Variants in ATAD2B observed in about 807,000 individuals in gnomAD.
ATAD2B encodes ATPase family AAA domain containing 2B.
Under a neutral mutation model 167.6 loss-of-function variants are expected in ATAD2B, and 40 were observed. The ratio of observed to expected loss-of-function variants is 0.24; its 90% confidence interval spans 0.19 to 0.31. The LOEUF (loss-of-function observed/expected upper bound fraction) is 0.31, where lower values mean the gene tolerates loss of function less well. ATAD2B is among the 10% of genes least tolerant of loss of function. ATAD2B has a pLI of 1.00. For missense variants in ATAD2B, 1,242 were observed against 1,757.2 expected (o/e 0.71, Z 5.24); for synonymous variants, 579 against 596.5 (o/e 0.97, Z 0.43).
intron 1 of ATAD2B, among the ~76,000 whole-genome samples, chr2:23,921,205 C>A (rs1211307793): frequency 3.1e-4 from 10 of 32,286 alleles, no homozygotes; most frequent in Admixed American, 5.7e-4. Flanking sequence ...GACTCCATCT[C>A]AAAAAAAAAA....
chr2:23,812,944 A>G (rs1265408274), intron 17 of ATAD2B, among the ~76,000 whole-genome samples: 3 of 152,108 alleles, frequency 2.0e-5, no homozygotes, highest in African/African-American at 7.2e-5. Context: ...TTTCTTAACA[A>G]TTCTGTGAAA....
At chr2:23,835,592 G>T (rs1260163281) in intron 13 of ATAD2B, among the ~76,000 whole-genome samples, 1 of 152,200 alleles carries the variant, frequency 6.6e-6, no homozygotes, top group Non-Finnish European at 1.5e-5. Flanking sequence ...TGTAGTGATG[G>T]TTACACAACT....
the ATAD2B span, among the ~76,000 whole-genome samples, chr2:23,682,077 T>A: frequency 2.0e-5 from 3 of 151,344 alleles, no homozygotes; most frequent in Non-Finnish European, 4.4e-5. This position sits in a 1 kb window ranked among gnomAD's most constrained non-coding sequence, Gnocchi z 4.1. Flanking sequence ...CCCACCACCA[T>A]CCCCTCCAAA....
At chr2:23,712,107 C>T in the ATAD2B span, among the ~76,000 whole-genome samples, 1 of 152,108 alleles carries the variant, frequency 6.6e-6, no homozygotes, top group Non-Finnish European at 1.5e-5. Context: ...GGCCACAGGG[C>T]CCTGAGACCT....
At chr2:23,745,418 AAGGAAAGGGAAGGG>A (rs1674806720), downstream of ATAD2B, among the ~76,000 whole-genome samples, 3 of 111,878 alleles carry the variant, frequency 2.7e-5, no homozygotes, top group African/African-American at 7.9e-5. Context: ...GGAAGGAAGG[AAGGAAAGGGAAGGG>A]AAGGGAAGGG....
rs754770528 is a variant in ATAD2B at position 23,883,573 on chromosome 2, C to T, written c.784+1192G>A. ...GTTCAGTTAATGAAAAGGCAAGAAT[C>T]GCATTATAAATCTGTCTCACCTATA... On this transcript the variant is annotated intron_variant, in intron 6 of 27. Transcript: ENST00000238789. 2.9e-5 allele frequency: 37 copies of T among 1,258,142 alleles called. 1 individual carries two copies. The highest frequency in any genetic ancestry group is 1.9e-4 in the South Asian group (14 of 74,954). 77.9% of individuals were successfully genotyped at this position (1,258,142 alleles called of 1,614,324 possible).
chr2:23,743,636 G>GT, the ATAD2B span, among the ~76,000 whole-genome samples: 4 of 151,140 alleles, frequency 2.6e-5, no homozygotes, highest in Admixed American at 1.3e-4. Context: ...TTTTAAAATT[G>GT]TTTTTTTGAG....
At chr2:23,729,314 C>T in the ATAD2B span, among the ~76,000 whole-genome samples, 1 of 152,174 alleles carries the variant, frequency 6.6e-6, no homozygotes, top group Non-Finnish European at 1.5e-5. Flanking sequence ...AAGTGCAAGG[C>T]AATCACAGTG....
Position 23,867,933 on chromosome 2 carries a change from T to C in ATAD2B, c.1090A>G (p.Asn364Asp). 6.2e-7 allele frequency: 1 copy of C among 1,607,072 alleles called. No individual in the cohort carries two copies. Among genetic ancestry groups the C allele is most frequent in the Non-Finnish European group, 8.5e-7 (1 of 1,177,630 alleles). The change falls in exon 10 of 28, where the codon AAC becomes GAC. Residue 364 changes from asparagine to aspartate, a missense_variant. Around this residue, in one of 9 missense-constraint regions of ATAD2B, gnomAD observed 127 missense variants for 146.3 expected, o/e 0.87. Coordinates refer to ENST00000238789, the MANE Select transcript of ATAD2B (RefSeq NM_017552.4). ...ARARNRCLPMNFRAEDLASGI... is the reference protein window; with the variant it reads ...ARARNRCLPMDFRAEDLASGI... Reference sequence around the variant, plus strand: ...CTAGCTAAGTCCTCTGCTCTGAAGTTCATAGGCAAACATCTGAAATTTATA... The same window carrying C: ...CTAGCTAAGTCCTCTGCTCTGAAGTCCATAGGCAAACATCTGAAATTTATA...
chr2:23,813,543 C>T (rs1261361493), intron 17 of ATAD2B, among the ~76,000 whole-genome samples: 1 of 150,912 alleles, frequency 6.6e-6, no homozygotes, highest in East Asian at 2.0e-4. Context: ...TGAGACAAGC[C>T]TGGGCAACAT....
intron 27 of ATAD2B, among the ~76,000 whole-genome samples, chr2:23,753,046 T>C (rs559036293): frequency 6.6e-6 from 1 of 152,262 alleles, no homozygotes; most frequent in Non-Finnish European, 1.5e-5. Flanking sequence ...ACCCCGCACA[T>C]TTTATTCAGG....
chr2:23,921,635 A>G (rs900008815), intron 1 of ATAD2B, among the ~76,000 whole-genome samples: 12 of 152,244 alleles, frequency 7.9e-5, no homozygotes, highest in Non-Finnish European at 1.2e-4. Context: ...GAATGCGTGT[A>G]TATCTGGACT....
At chr2:23,694,052 G>GA in the ATAD2B span, among the ~76,000 whole-genome samples, 1 of 152,210 alleles carries the variant, frequency 6.6e-6, no homozygotes, top group Non-Finnish European at 1.5e-5. Flanking sequence ...TAGGAAGTTA[G>GA]ATGGGGCAGC....
At chr2:23,895,159 A>T (rs1398986438) in intron 2 of ATAD2B, among the ~76,000 whole-genome samples, 1 of 152,108 alleles carries the variant, frequency 6.6e-6, no homozygotes, top group East Asian at 1.9e-4. Flanking sequence ...GTAAAAAAAA[A>T]TTGTTTTTAA....
At chr2:23,813,299 C>T (rs1685906771) in intron 17 of ATAD2B, among the ~76,000 whole-genome samples, 1 of 49,272 alleles carries the variant, frequency 2.0e-5, no homozygotes, top group African/African-American at 6.4e-5. Context: ...ATTTATAAGT[C>T]ATATAAATTA....
intron 13 of ATAD2B, among the ~76,000 whole-genome samples, chr2:23,839,116 TG>T (rs1214335601): frequency 1.3e-5 from 2 of 152,182 alleles, no homozygotes; most frequent in Non-Finnish European, 2.9e-5. Context: ...TTATATTGAT[TG>T]GTCTAACCTT....
intron 17 of ATAD2B, among the ~76,000 whole-genome samples, chr2:23,818,534 A>C (rs1225127971): frequency 6.6e-6 from 1 of 152,192 alleles, no homozygotes; most frequent in Admixed American, 6.5e-5. Flanking sequence ...ATATGAAGAA[A>C]AAAAGAGGAG....
the ATAD2B span, among the ~76,000 whole-genome samples, chr2:23,693,988 C>T: frequency 6.6e-6 from 1 of 152,326 alleles, no homozygotes; most frequent in South Asian, 2.1e-4. Flanking sequence ...CGCCATTGAG[C>T]CCCAGAGAAA....
the ATAD2B span, chr2:23,693,429 C>T: frequency 2.7e-5 from 42 of 1,551,746 alleles, no homozygotes; most frequent in Admixed American, 1.2e-4. Context: ...ACGACTTCAT[C>T]GCCTACGTCT....
Sources: allele counts gnomAD v4.1 joint callset (sites outside exome capture counted in the v4.1 genomes callset), GRCh38; gene constraint gnomAD v4.1.1; regional missense constraint gnomAD v4.1.1; non-coding constraint Gnocchi (gnomAD v3.1); transcripts MANE v1.5; gene names NCBI Gene and HGNC (gene_info 2026-07-23, HGNC 2026-07-21).